RCAN1: variants seen among roughly 807,000 people sequenced by gnomAD.
RCAN1 encodes regulator of calcineurin 1.
In RCAN1, 11 loss-of-function variants were observed where a neutral mutation model predicts 22.9. The observed-to-expected ratio is 0.48, with a 90% CI of 0.30 to 0.79. The LOEUF is 0.79. RCAN1 is among the 30% of genes least tolerant of loss of function. The pLI is 0.06. For synonymous variants in RCAN1, 136 were observed against 142.3 expected, an observed-to-expected ratio of 0.96 and a Z score of 0.32; for missense variants, 291 against 337.8, an observed-to-expected ratio of 0.86 and a Z score of 1.09.
chr21:34,537,291 C>A (rs1322508291), intron 1 of RCAN1, among the ~76,000 whole-genome samples: 1 of 152,248 alleles, frequency 6.6e-6, no homozygotes, highest in African/African-American at 2.4e-5. Context: ...CATCTTTGCA[C>A]CGAGTATCTG....
At chr21:34,519,789 C>G (rs1472962995) in intron 3 of RCAN1, among the ~76,000 whole-genome samples, 1 of 152,156 alleles carries the variant, frequency 6.6e-6, no homozygotes, top group Non-Finnish European at 1.5e-5. Context: ...CCCAGGAGAG[C>G]TTCCTACCTC....
At chr21:34,524,867 A>G (rs1340809924) in intron 1 of RCAN1, among the ~76,000 whole-genome samples, 1 of 152,186 alleles carries the variant, frequency 6.6e-6, no homozygotes, top group Non-Finnish European at 1.5e-5. Context: ...GCTGGGGGCC[A>G]CTGCAACTCC....
chr21:34,527,080 G>A (rs1182988750), intron 1 of RCAN1: 1 of 629,348 alleles, frequency 1.6e-6, no homozygotes, highest in African/African-American at 2.0e-5. Flanking sequence ...TTGCTTCACA[G>A]CTGCTTTATC....
intron 1 of RCAN1, among the ~76,000 whole-genome samples, chr21:34,553,887 A>C (rs1286874698): frequency 1.3e-5 from 2 of 152,212 alleles, no homozygotes; most frequent in African/African-American, 2.4e-5. Flanking sequence ...AGGGGATAAG[A>C]AGCAGCAACT....
intron 1 of RCAN1, among the ~76,000 whole-genome samples, chr21:34,566,558 GA>G (rs11358383): frequency 0.44 from 66,072 of 151,816 alleles, 14,934 homozygotes; most frequent in South Asian, 0.48. Flanking sequence ...GGCCTTACCT[GA>G]AAAAAAGGGG....
chr21:34,521,646 C>T lies in RCAN1; in HGVS notation c.439G>A (p.Gly147Arg). The T allele has an allele frequency of 6.2e-7, 1 of 1,611,828 alleles. No homozygotes were observed. The highest frequency in any genetic ancestry group is 8.5e-7 in the Non-Finnish European group (1 of 1,178,806). The change falls in exon 3 of 4, where the codon GGA becomes AGA. Residue 147 changes from glycine (G) to arginine (R), a missense_variant. Transcript: ENST00000313806. ...KLYFAQTLHI[G>R]SSHLAPPNPD... ...TTTGGCGGAGCCAGGTGTGAGCTTC[C>T]TATGTGTAAGGTCTGAGGAGAGAAA...
intron 1 of RCAN1, among the ~76,000 whole-genome samples, chr21:34,554,115 T>C (rs1459130081): frequency 6.6e-6 from 1 of 152,220 alleles, no homozygotes; most frequent in Non-Finnish European, 1.5e-5. Context: ...TAGCTAGAGC[T>C]CTCGGGAGGA....
chr21:34,607,115 T>C lies in RCAN1; in HGVS notation c.252+7645A>G, dbSNP rs148585454. Among the ~76,000 whole-genome samples the C allele has an allele frequency of 1.4e-3, 213 of 152,244 alleles. 3 individuals carry two copies. The highest frequency in any genetic ancestry group is 4.0e-4 in the Non-Finnish European group (27 of 68,046). ...TTCATGCGGCACCTGCTGAAATTAG[T>C]AACAAAAGGAAAAGTACTGGACCTT... On this transcript the variant is annotated intron_variant, in intron 1 of 3. Transcript: ENST00000313806.
At chr21:34,530,636 T>G (rs1301019718) in intron 1 of RCAN1, among the ~76,000 whole-genome samples, 2 of 117,588 alleles carry the variant, frequency 1.7e-5, no homozygotes, top group South Asian at 2.7e-4. Flanking sequence ...TTTTTTTTTT[T>G]TTTTTTTGAG....
At chr21:34,574,326 G>C (rs1398600730) in intron 1 of RCAN1, among the ~76,000 whole-genome samples, 2 of 152,222 alleles carry the variant, frequency 1.3e-5, no homozygotes, top group Non-Finnish European at 2.9e-5. Flanking sequence ...TATCAATCAA[G>C]CGTGAGGGTG....
At chr21:34,589,959 C>T (rs1568925716) in intron 1 of RCAN1, among the ~76,000 whole-genome samples, 1 of 152,188 alleles carries the variant, frequency 6.6e-6, no homozygotes, top group Non-Finnish European at 1.5e-5. Context: ...CTATGTCTAT[C>T]CTATTGGTTC....
chr21:34,544,073 CTG>C (rs1491145765), intron 1 of RCAN1, among the ~76,000 whole-genome samples: 6 of 152,382 alleles, frequency 3.9e-5, no homozygotes, highest in African/African-American at 1.2e-4. Context: ...GCTTTTCAGA[CTG>C]TGGCTGCCAC....
chr21:34,521,171 C>T (rs1030989113), intron 3 of RCAN1: 17 of 1,355,894 alleles, frequency 1.3e-5, no homozygotes, highest in South Asian at 1.2e-4. Flanking sequence ...CTATCCGGAG[C>T]GACAGAACCT....
At chr21:34,580,401 G>T (rs1300206196) in intron 1 of RCAN1, among the ~76,000 whole-genome samples, 5 of 152,216 alleles carry the variant, frequency 3.3e-5, no homozygotes, top group Non-Finnish European at 7.3e-5. Context: ...GCTGGCACGG[G>T]TGGCCATGGA....
At chr21:34,613,395 A>G (rs530896937) in intron 1 of RCAN1, among the ~76,000 whole-genome samples, 38 of 152,390 alleles carry the variant, frequency 2.5e-4, no homozygotes, top group African/African-American at 8.7e-4. Context: ...AGCCTAGGAC[A>G]GTACCTATCC....
At chr21:34,553,471 C>CT (rs1441298265) in intron 1 of RCAN1, among the ~76,000 whole-genome samples, 4 of 152,186 alleles carry the variant, frequency 2.6e-5, no homozygotes, top group African/African-American at 9.7e-5. Context: ...CCACTGAAAC[C>CT]TTTTTTCTGA....
At chr21:34,533,119 C>T (rs1217109213) in intron 1 of RCAN1, among the ~76,000 whole-genome samples, 1 of 151,674 alleles carries the variant, frequency 6.6e-6, no homozygotes, top group African/African-American at 2.4e-5. Context: ...CGCCACCACG[C>T]CCGGCTAATT....
At chr21:34,586,773 C>A (rs773661248) in intron 1 of RCAN1, among the ~76,000 whole-genome samples, 1 of 151,866 alleles carries the variant, frequency 6.6e-6, no homozygotes, top group African/African-American at 2.4e-5. Flanking sequence ...GCCAACATGG[C>A]GAAACCCTGT....
At chr21:34,583,092 T>C (rs1987672223) in intron 1 of RCAN1, among the ~76,000 whole-genome samples, 1 of 152,106 alleles carries the variant, frequency 6.6e-6, no homozygotes, top group East Asian at 1.9e-4. Flanking sequence ...TGAACTATGT[T>C]CATGTCCTTC....
Sources: gnomAD v4.1 joint callset for allele counts (sites outside exome capture counted in the v4.1 genomes callset) on GRCh38, gnomAD v4.1.1 for gene constraint, MANE v1.5 for transcripts, NCBI Gene and HGNC (gene_info 2026-07-23, HGNC 2026-07-21) for gene names.